TMEM138: variants seen among roughly 807,000 people sequenced by gnomAD.
The protein encoded by TMEM138 is transmembrane protein 138.
Under a neutral mutation model 18.1 loss-of-function variants are expected in TMEM138, and 9 were observed. The observed-to-expected ratio is 0.50, with a 90% CI of 0.30 to 0.87. TMEM138 has a LOEUF of 0.87. Ranked by LOEUF, TMEM138 falls within the 40% of genes least tolerant of loss-of-function variation. The probability of loss-of-function intolerance (pLI) is 0.06; values close to 1 mark genes in which losing one functional copy is unlikely to be tolerated. For missense variants in TMEM138, 189 were observed against 190.6 expected (o/e 0.99, Z 0.05); for synonymous variants, 79 against 74.8 (o/e 1.06, Z -0.29).
Position 61,368,643 on chromosome 11 carries a change from A to G in TMEM138, c.423A>G (p.Leu141=). The part of the protein sequence containing the change: ...CYFYKRTAVR[L]GDPHFYQDSL... ...TCTATAAACGGACAGCCGTAAGACT[A>G]GGCGATCCTCACTTCTACCAGGACT... The change falls in exon 5 of 5, where the codon CTA becomes CTG. Residue 141 remains leucine (L), a synonymous_variant. Transcript: ENST00000278826. The G allele has an allele frequency of 6.2e-7, 1 of 1,614,142 alleles. No individual in the cohort carries two copies. Among genetic ancestry groups the G allele is most frequent in the Non-Finnish European group, 8.5e-7 (1 of 1,180,022 alleles).
At chr11:61,370,198 A>T (rs559505779), downstream of TMEM138, among the ~76,000 whole-genome samples, 7 of 152,262 alleles carry the variant, frequency 4.6e-5, no homozygotes, top group African/African-American at 1.7e-4. Flanking sequence ...ACGTGAGGGT[A>T]GGGTGTGCAG....
At chr11:61,368,332 T>C in intron 4 of TMEM138, 1 of 508,792 alleles carries the variant, frequency 2.0e-6, no homozygotes. Flanking sequence ...TTCACACCAT[T>C]CTCCTGCCTC....
chr11:61,375,536 T>A (rs1200479083), downstream of TMEM138, among the ~76,000 whole-genome samples: 1 of 152,108 alleles, frequency 6.6e-6, no homozygotes, highest in East Asian at 1.9e-4. Flanking sequence ...TTGGCCAGGC[T>A]GGTCTCAAAC....
chr11:61,368,634 CG>C lies in TMEM138; in HGVS notation c.415del (p.Val139Ter). ...ACTGCTACTTCTATAAACGGACAGC[CG>C]TAAGACTAGGCGATCCTCACTTCTA... Reference protein sequence around the residue: ...LYCYFYKRTAVRLGDPHFYQD... With the variant: ...LYCYFYKRTAXRLGDPHFYQD... On this transcript the variant is annotated frameshift_variant, in exon 5 of 5. Coordinates refer to ENST00000278826, the MANE Select transcript of TMEM138 (RefSeq NM_016464.5). LOFTEE classifies it high-confidence loss of function. 6.2e-7 allele frequency: 1 copy of C among 1,614,062 alleles called. No homozygotes were observed.
chr11:61,367,758 A>G (rs1286169359), intron 3 of TMEM138, 165 bp from the exon 4 acceptor site: 7 of 647,660 alleles, frequency 1.1e-5, no homozygotes, highest in Non-Finnish European at 2.0e-5. Context: ...TTTGCAGCGA[A>G]AAATGGAGCT....
At chr11:61,363,929 A>G (rs1858039436) in intron 1 of TMEM138, 1 of 152,842 alleles carries the variant, frequency 6.5e-6, no homozygotes, top group Non-Finnish European at 1.5e-5. Flanking sequence ...CTTGTAGAAC[A>G]CTCCCTGGCA....
downstream of TMEM138, among the ~76,000 whole-genome samples, chr11:61,375,154 T>G (rs953103532): frequency 1.3e-5 from 2 of 152,134 alleles, no homozygotes; most frequent in African/African-American, 4.8e-5. Flanking sequence ...CTTTTTAACT[T>G]TACACTTAAA....
chr11:61,368,094 G>C, intron 4 of TMEM138, 96 bp downstream of exon 4: 1 of 879,490 alleles, frequency 1.1e-6, no homozygotes, highest in Non-Finnish European at 1.9e-6. Flanking sequence ...GTCCCAGCTG[G>C]CTTGGGATGG....
At chr11:61,371,453 GT>G (rs561471104), downstream of TMEM138, among the ~76,000 whole-genome samples, 4 of 152,276 alleles carry the variant, frequency 2.6e-5, no homozygotes, top group East Asian at 7.7e-4. Context: ...CTCAGAAATT[GT>G]TCTGTGCTGG....
At chr11:61,367,717 A>G in intron 3 of TMEM138, 2 of 568,738 alleles carry the variant, frequency 3.5e-6, no homozygotes, top group South Asian at 4.2e-5. Context: ...CTTAGTTCAT[A>G]CTTCCTCCCT....
intron 3 of TMEM138, 38 bp from the exon 4 acceptor site, chr11:61,367,885 G>T: frequency 7.2e-7 from 1 of 1,392,004 alleles, no homozygotes; most frequent in African/African-American, 1.4e-5. Flanking sequence ...AGGGCTTCTT[G>T]TGGCCATTAA....
chr11:61,364,263 A>C lies in TMEM138; in HGVS notation c.-128A>C. The C allele has an allele frequency of 8.5e-7, 1 of 1,177,410 alleles. No homozygotes were observed. The highest frequency in any genetic ancestry group is 1.2e-6 in the Non-Finnish European group (1 of 835,152). The allele number at this position is 1,177,410 out of a possible 1,614,324, so 72.9% of individuals were successfully genotyped here. On this transcript the variant is annotated 5_prime_UTR_variant, in exon 2 of 5. It removes the in-frame stop codon of an upstream open reading frame in the 5' UTR. Transcript: ENST00000278826. ...TTTTGCTCCAACAGGTGCTTGCCTT[A>C]GAGCAAGGGAAACAGCTCTCATTCA...
intron 3 of TMEM138, 58 bp from the exon 4 acceptor site, chr11:61,367,865 T>G: frequency 7.3e-6 from 8 of 1,088,934 alleles, no homozygotes; most frequent in Non-Finnish European, 1.1e-5. Context: ...CTAACCAAGT[T>G]GGAGACATTA....
chr11:61,369,065 A>C lies in TMEM138; in HGVS notation c.*356A>C. The C allele has an allele frequency of 4.4e-6, 1 of 229,866 alleles. No homozygotes were observed. Among genetic ancestry groups the C allele is most frequent in the Non-Finnish European group, 8.7e-6 (1 of 114,464 alleles). The allele number at this position is 229,866 out of a possible 1,614,324, so 14.2% of individuals were successfully genotyped here. A position where few individuals can be genotyped will look rare whatever the true frequency, so the allele number is the denominator to read the frequency against. On this transcript the variant is annotated 3_prime_UTR_variant, in exon 5 of 5. Coordinates refer to ENST00000278826, the MANE Select transcript of TMEM138 (RefSeq NM_016464.5). ...GGACAGAAGGACCTCCCAGCCCCCAAAGGATCTCCCAGTGACCAAAGGATG... is the reference window on the plus strand; with the variant it reads ...GGACAGAAGGACCTCCCAGCCCCCACAGGATCTCCCAGTGACCAAAGGATG...
At chr11:61,369,711 G>A (rs1383197653), downstream of TMEM138, among the ~76,000 whole-genome samples, 3 of 151,410 alleles carry the variant, frequency 2.0e-5, no homozygotes, top group East Asian at 1.9e-4. Context: ...AGGCAGCTGC[G>A]ATGGCCTTGG....
intron 1 of TMEM138, chr11:61,363,559 T>C (rs1207349117): frequency 3.3e-5 from 5 of 152,202 alleles, no homozygotes; most frequent in Non-Finnish European, 7.3e-5. Context: ...TTGGAATAGA[T>C]GAAAAGAAAC....
chr11:61,364,669 T>C, intron 2 of TMEM138, 151 bp downstream of exon 2: 1 of 1,077,444 alleles, frequency 9.3e-7, no homozygotes. Context: ...CAGGAGGATC[T>C]TTTGAGGCTG....
chr11:61,376,546 A>T (rs559576041), downstream of TMEM138, among the ~76,000 whole-genome samples: 4 of 152,002 alleles, frequency 2.6e-5, no homozygotes, highest in South Asian at 8.3e-4. Flanking sequence ...ATTTTTTTCC[A>T]ATTTGGAGTC....
intron 2 of TMEM138, 64 bp from the exon 3 acceptor site, chr11:61,365,981 A>AACT: frequency 6.4e-7 from 1 of 1,555,328 alleles, no homozygotes. Context: ...CCCTCAGGAC[A>AACT]TAGTACCTGC....
Sources: gnomAD v4.1 joint callset for allele counts (sites outside exome capture counted in the v4.1 genomes callset) on GRCh38, gnomAD v4.1.1 for gene constraint, MANE v1.5 for transcripts, NCBI Gene and HGNC (gene_info 2026-07-23, HGNC 2026-07-21) for gene names.